NFYB: variants seen among roughly 807,000 people sequenced by gnomAD.
NFYB encodes CAAT box DNA-binding protein subunit B.
In NFYB, 13 loss-of-function variants were observed where a neutral mutation model predicts 28.0. The ratio of observed to expected loss-of-function variants is 0.46; its 90% CI spans 0.30 to 0.74. The LOEUF is 0.74. Ranked by LOEUF, NFYB falls within the 30% of genes least tolerant of loss-of-function variation. The pLI is 0.07. For missense variants in NFYB, 142 were observed against 247.6 expected, an observed-to-expected ratio of 0.57 and a Z score of 2.86; for synonymous variants, 74 against 75.0, an observed-to-expected ratio of 0.99 and a Z score of 0.07.
chr12:104,134,171 T>C (rs1200970877), intron 2 of NFYB, among the ~76,000 whole-genome samples: 1 of 152,216 alleles, frequency 6.6e-6, no homozygotes, highest in African/African-American at 2.4e-5. Context: ...TATCCTTCTC[T>C]TTCTTCCCTT....
At chr12:104,127,422 G>A (rs570160233) in intron 3 of NFYB, among the ~76,000 whole-genome samples, 48 of 151,892 alleles carry the variant, frequency 3.2e-4, no homozygotes, top group Non-Finnish European at 2.9e-5. Context: ...AAAAAAATTA[G>A]CTGGGCATGG....
chr12:104,133,591 T>C (rs1322265105), intron 2 of NFYB, among the ~76,000 whole-genome samples: 2 of 152,206 alleles, frequency 1.3e-5, no homozygotes, highest in Admixed American at 6.5e-5. Flanking sequence ...AAAAAGCACC[T>C]AGCAAAGTGC....
intron 2 of NFYB, among the ~76,000 whole-genome samples, chr12:104,129,905 T>C (rs1361385862): frequency 6.6e-6 from 1 of 152,120 alleles, no homozygotes; most frequent in Non-Finnish European, 1.5e-5. Flanking sequence ...AAGATCTATG[T>C]ATAAAGATAG....
chr12:104,121,650 C>G (rs760186508), intron 5 of NFYB, among the ~76,000 whole-genome samples: 1 of 152,166 alleles, frequency 6.6e-6, no homozygotes, highest in African/African-American at 2.4e-5. Context: ...CAATATTGAG[C>G]TTATAAATCT....
intron 1 of NFYB, among the ~76,000 whole-genome samples, chr12:104,136,772 A>G (rs1353490456): frequency 1.3e-5 from 2 of 152,188 alleles, no homozygotes; most frequent in Admixed American, 6.5e-5. Flanking sequence ...CATATGGTGT[A>G]TATTTTCTTA....
chr12:104,121,395 C>G (rs2030469092), intron 5 of NFYB, 74 bp from the exon 6 acceptor site: 1 of 1,259,102 alleles, frequency 7.9e-7, no homozygotes, highest in African/African-American at 1.5e-5. Context: ...TTACTTATTG[C>G]CTAAAATTAG....
intron 6 of NFYB, 87 bp from the exon 7 acceptor site, chr12:104,120,566 A>C: frequency 1.2e-6 from 1 of 867,778 alleles, no homozygotes; most frequent in Non-Finnish European, 1.9e-6. Context: ...TTAATGTCTC[A>C]TTACAATTCT....
At chr12:104,122,660 T>C (rs2030524101) in intron 5 of NFYB, among the ~76,000 whole-genome samples, 1 of 152,198 alleles carries the variant, frequency 6.6e-6, no homozygotes, top group Non-Finnish European at 1.5e-5. Flanking sequence ...TGGAACAGTT[T>C]CATCCTGAAG....
intron 4 of NFYB, among the ~76,000 whole-genome samples, chr12:104,124,736 C>T (rs1264665906): frequency 1.3e-5 from 2 of 152,130 alleles, no homozygotes; most frequent in Non-Finnish European, 2.9e-5. Context: ...CCATTCAGAC[C>T]AGCCACATTT....
intron 2 of NFYB, among the ~76,000 whole-genome samples, chr12:104,134,489 T>C (rs964189685): frequency 1.4e-4 from 22 of 152,304 alleles, no homozygotes; most frequent in African/African-American, 4.1e-4. Context: ...CCTCATCTAT[T>C]ACCTCTTTAA....
chr12:104,124,028 C>T (rs1057410460), intron 4 of NFYB, among the ~76,000 whole-genome samples: 67 of 152,202 alleles, frequency 4.4e-4, no homozygotes, highest in African/African-American at 1.5e-3. Flanking sequence ...CCTACCACCC[C>T]ACAGAGGATG....
chr12:104,120,209 G>T (rs2030413962), intron 7 of NFYB, among the ~76,000 whole-genome samples, 191 bp downstream of exon 7: 2 of 152,018 alleles, frequency 1.3e-5, no homozygotes, highest in Non-Finnish European at 2.9e-5. Context: ...TACACGCCAT[G>T]ACGCCCAGCT....
rs548067539 is a variant in NFYB at position 104,118,161 on chromosome 12, A to C, written c.*1576T>G. On this transcript the variant is annotated 3_prime_UTR_variant, in exon 8 of 8. Coordinates refer to ENST00000240055, the MANE Select transcript of NFYB (RefSeq NM_006166.4). ...GTTACAAAATGGTATGCACAATATG[A>C]GCCCATTTTTATAAAAATATACATA... The C allele has an allele frequency of 6.6e-6, 1 of 152,366 alleles. No individual in the cohort carries two copies. The highest frequency in any genetic ancestry group is 6.5e-5 in the Admixed American group (1 of 15,302). 9.4% of individuals were successfully genotyped at this position (152,366 alleles called of 1,614,324 possible).
chr12:104,120,181 A>AGCAGAGGGGATT (rs1451047710), intron 7 of NFYB, among the ~76,000 whole-genome samples: 1 of 151,936 alleles, frequency 6.6e-6, no homozygotes, highest in Non-Finnish European at 1.5e-5. Context: ...TCAGCCTCCA[A>AGCAGAGGGGATT]GCAGAGGGGA....
chr12:104,125,845 T>TC lies in NFYB; in HGVS notation c.231+268dup, dbSNP rs1380149686. Among the ~76,000 whole-genome samples, 24 of 66,616 alleles carry TC rather than the reference T, an allele frequency of 3.6e-4. No individual in the cohort carries two copies. The South Asian group carries it at 4.6e-3, about 13-fold the overall frequency. The allele number at this position is 66,616 out of a possible 152,430, so 43.7% of individuals were successfully genotyped here. ...CCTGGCCAATAAGAGTGAAACTCTG[T>TC]CCCCAAAAAAAAAAAAAAAAAAAAA... On this transcript the variant is annotated intron_variant, in intron 4 of 7. Transcript: ENST00000240055.
chr12:104,135,547 T>A lies in NFYB; in HGVS notation c.-79-15A>T. On this transcript the variant is annotated splice_polypyrimidine_tract_variant and intron_variant, in intron 1 of 7. Coordinates refer to ENST00000240055, the MANE Select transcript of NFYB (RefSeq NM_006166.4). ...GTGATTTCAACCTAAAAGATAAACA[T>A]CTATTAGGACCTAACATCTATCAAT... is the stretch of plus-strand genomic sequence containing the variant. 8.7e-7 allele frequency: 1 copy of A among 1,146,210 alleles called. No homozygotes were observed. The highest frequency in any genetic ancestry group is 1.5e-5 in the South Asian group (1 of 65,630). The allele number at this position is 1,146,210 out of a possible 1,614,324, so 71.0% of individuals were successfully genotyped here.
In NFYB at chr12:104,117,934, A is replaced by T. The variant is rs918663990; in HGVS notation, c.*1803T>A. The T allele has an allele frequency of 6.6e-6, 1 of 152,214 alleles. No homozygotes were observed. Among genetic ancestry groups the T allele is most frequent in the Admixed American group, 6.5e-5 (1 of 15,288 alleles). 9.4% of individuals were successfully genotyped at this position (152,214 alleles called of 1,614,324 possible). A position where few individuals can be genotyped will look rare whatever the true frequency, so the allele number is the denominator to read the frequency against. On this transcript the variant is annotated 3_prime_UTR_variant, in exon 8 of 8. Coordinates refer to ENST00000240055, the MANE Select transcript of NFYB (RefSeq NM_006166.4). ...ACCCAGCAATTCAAAGAATTTAAGA[A>T]AACAGTCATGGATGTACATGGGATT...
chr12:104,128,395 G>A, intron 3 of NFYB, 29 bp downstream of exon 3: 1 of 1,531,164 alleles, frequency 6.5e-7, no homozygotes, highest in Non-Finnish European at 9.0e-7. Flanking sequence ...TTCAACTTGA[G>A]AATTTGGTTC....
At chr12:104,128,634 C>CCTG in intron 2 of NFYB, 117 bp from the exon 3 acceptor site, 1 of 576,162 alleles carries the variant, frequency 1.7e-6, no homozygotes. Flanking sequence ...TAGCCTTAAG[C>CCTG]TTACTAAAAG....
Sources: gnomAD v4.1 joint callset for allele counts (sites outside exome capture counted in the v4.1 genomes callset) on GRCh38, gnomAD v4.1.1 for gene constraint, MANE v1.5 for transcripts, NCBI Gene and HGNC (gene_info 2026-07-23, HGNC 2026-07-21) for gene names.